NEDD4L: variants seen among roughly 807,000 people sequenced by gnomAD.
NEDD4L encodes the protein E3 ubiquitin-protein ligase NEDD4-like.
A neutral mutation model predicts 148.9 loss-of-function variants in NEDD4L; 54 were observed. The observed-to-expected ratio is 0.36, with a 90% CI of 0.29 to 0.45. The LOEUF (loss-of-function observed/expected upper bound fraction) is 0.45, where lower values mean the gene tolerates loss of function less well. Ranked by LOEUF, NEDD4L falls within the 20% of genes least tolerant of loss-of-function variation. The probability of loss-of-function intolerance (pLI) is 1.00; values close to 1 mark genes in which losing one functional copy is unlikely to be tolerated. For missense variants in NEDD4L, 856 were observed against 1,233.8 expected (o/e 0.69, Z 4.59); for synonymous variants, 433 against 440.7 (o/e 0.98, Z 0.22).
At chr18:58,391,076 A>G (rs867563980) in intron 29 of NEDD4L, among the ~76,000 whole-genome samples, 1 of 151,798 alleles carries the variant, frequency 6.6e-6, no homozygotes, top group African/African-American at 2.4e-5. Flanking sequence ...GTATAAAGTC[A>G]CCTCCAGTAG....
intron 9 of NEDD4L, among the ~76,000 whole-genome samples, chr18:58,328,516 G>A (rs189492728): frequency 2.8e-4 from 42 of 152,300 alleles, no homozygotes; most frequent in African/African-American, 8.9e-4. Context: ...CTTTCCTCCA[G>A]ATGACAGCTT....
At chr18:58,182,250 G>A (rs60913600) in intron 2 of NEDD4L, among the ~76,000 whole-genome samples, 7 of 152,046 alleles carry the variant, frequency 4.6e-5, no homozygotes, top group Admixed American at 1.3e-4. Flanking sequence ...AATGCGGGGC[G>A]GGGGGTGAAT....
At chr18:58,044,790 C>T (rs2081496965) in intron 1 of NEDD4L, 82 bp downstream of exon 1, 1 of 1,523,368 alleles carries the variant, frequency 6.6e-7, no homozygotes, top group Non-Finnish European at 8.9e-7. Context: ...AGGGGCCGTC[C>T]CCGGGGTGCT....
chr18:58,369,862 A>G (rs995444599), intron 22 of NEDD4L, among the ~76,000 whole-genome samples: 2 of 152,104 alleles, frequency 1.3e-5, no homozygotes, highest in Non-Finnish European at 2.9e-5. Flanking sequence ...CCCCATTTCC[A>G]GCCTGTCCCC....
rs80257835 is a variant in NEDD4L at position 58,324,509 on chromosome 18, C to T, written c.514-487C>T. Among the ~76,000 whole-genome samples the T allele has an allele frequency of 2.1e-3, 313 of 152,294 alleles. 9 individuals carry two copies. The highest frequency in any genetic ancestry group is 0.015 in the East Asian group (78 of 5,178). On this transcript the variant is annotated intron_variant, in intron 8 of 30. Transcript: ENST00000400345. The stretch of plus-strand genomic sequence containing the variant: ...GCAACAGGACTCTGGGCCTCTGGTC[C>T]CCTGTGCCATGAGTTCTGTTAGAAC...
intron 2 of NEDD4L, among the ~76,000 whole-genome samples, chr18:58,225,079 C>A (rs292451): frequency 0.47 from 71,786 of 151,856 alleles, 19,117 homozygotes; most frequent in East Asian, 0.81. Flanking sequence ...AAAAAAAAGT[C>A]ACTTAGCTTG....
Position 58,401,216 on chromosome 18 carries a change from A to C in NEDD4L, c.*4947A>C, listed in dbSNP as rs910367567. 1 of 152,250 alleles carries C rather than the reference A, an allele frequency of 6.6e-6. No individual in the cohort carries two copies. Among genetic ancestry groups the C allele is most frequent in the African/African-American group, 2.4e-5 (1 of 41,462 alleles). The allele number at this position is 152,250 out of a possible 1,614,324, so 9.4% of individuals were successfully genotyped here. A position where few individuals can be genotyped will look rare whatever the true frequency, so the allele number is the denominator to read the frequency against. ...CAATGTTTCATAACTTTTTATTATAAACCCACCTCCTAATAGGAAGCCAAG... is the reference window on the plus strand; with the variant it reads ...CAATGTTTCATAACTTTTTATTATACACCCACCTCCTAATAGGAAGCCAAG... On this transcript the variant is annotated 3_prime_UTR_variant, in exon 31 of 31. Transcript: ENST00000400345.
intron 19 of NEDD4L, among the ~76,000 whole-genome samples, chr18:58,360,742 T>C (rs190269759): frequency 9.6e-5 from 14 of 146,084 alleles, no homozygotes; most frequent in African/African-American, 3.5e-4. Flanking sequence ...AGTTTATAAT[T>C]TGTGTGTGTG....
rs1340214656 is a variant in NEDD4L, at chr18:58,245,487, C to T, written c.183C>T (p.Val61=). ...ATGAGAATAGAGAACTTGCTTTGGT[C>T]CAGACAAAAACAATTAAAAAGGTAG... ...VADENRELAL[V]QTKTIKKTLN... The change falls in exon 3 of 31, where the codon GTC becomes GTT. Residue 61 remains valine (V), a synonymous_variant. Transcript: ENST00000400345. The T allele has an allele frequency of 1.3e-6, 2 of 1,575,384 alleles. No individual in the cohort carries two copies. The highest frequency in any genetic ancestry group is 4.5e-5 in the East Asian group (2 of 44,254).
At chr18:58,337,406 AC>A (rs1204313518) in intron 13 of NEDD4L, among the ~76,000 whole-genome samples, 4 of 151,522 alleles carry the variant, frequency 2.6e-5, no homozygotes, top group Non-Finnish European at 5.9e-5. Context: ...CTGTCTCTTC[AC>A]CCCGTGTTTC....
chr18:58,214,421 C>T (rs2042923705), intron 2 of NEDD4L, among the ~76,000 whole-genome samples: 1 of 152,106 alleles, frequency 6.6e-6, no homozygotes, highest in Non-Finnish European at 1.5e-5. Flanking sequence ...ACTCAGAGGG[C>T]CACTTGGATG....
At chr18:58,139,579 T>G (rs1217831397) in intron 1 of NEDD4L, among the ~76,000 whole-genome samples, 1 of 152,034 alleles carries the variant, frequency 6.6e-6, no homozygotes, top group Non-Finnish European at 1.5e-5. Flanking sequence ...AAAGTAAAAA[T>G]TGACAATCCC....
intron 18 of NEDD4L, among the ~76,000 whole-genome samples, chr18:58,356,649 T>C (rs2044703046): frequency 6.6e-6 from 1 of 152,222 alleles, no homozygotes; most frequent in South Asian, 2.1e-4. Context: ...ATTCTCTTTT[T>C]TGGACTGCCT....
At chr18:58,302,419 G>T (rs9944964) in intron 5 of NEDD4L, among the ~76,000 whole-genome samples, 73,964 of 151,950 alleles carry the variant, frequency 0.49, 18,110 homozygotes, top group Middle Eastern at 0.6. Flanking sequence ...TTTAAAGCTC[G>T]TTCATATACT....
intron 2 of NEDD4L, among the ~76,000 whole-genome samples, chr18:58,179,576 C>T (rs920617793): frequency 1.3e-5 from 2 of 152,118 alleles, no homozygotes; most frequent in African/African-American, 4.8e-5. Context: ...CAGCTGCTCC[C>T]CATCATTCGC....
intron 2 of NEDD4L, chr18:58,195,613 G>A (rs1189943396): frequency 2.2e-6 from 3 of 1,346,816 alleles, no homozygotes; most frequent in Non-Finnish European, 2.9e-6. Context: ...CCGGGAGCTG[G>A]CGGAGACCAG....
intron 24 of NEDD4L, among the ~76,000 whole-genome samples, chr18:58,375,186 C>T (rs2047405297): frequency 6.6e-6 from 1 of 152,130 alleles, no homozygotes; most frequent in African/African-American, 2.4e-5. Flanking sequence ...CCGTGACTCC[C>T]CGTCCTTGGC....
intron 22 of NEDD4L, 43 bp from the exon 23 acceptor site, chr18:58,370,354 T>G (rs538596467): frequency 1.7e-6 from 2 of 1,162,024 alleles, no homozygotes; most frequent in East Asian, 4.7e-5. Flanking sequence ...TACATAGCAG[T>G]GTCAAAGACC....
At chr18:58,047,187 T>A in intron 1 of NEDD4L, 1 of 959,676 alleles carries the variant, frequency 1.0e-6, no homozygotes, top group Non-Finnish European at 1.2e-6. Flanking sequence ...ACACTTAGTT[T>A]GCAGACTTGG....
Sources: allele counts gnomAD v4.1 joint callset (sites outside exome capture counted in the v4.1 genomes callset), GRCh38; gene constraint gnomAD v4.1.1; transcripts MANE v1.5; gene names NCBI Gene and HGNC (gene_info 2026-07-23, HGNC 2026-07-21).